Variants in DNAAF11 observed in about 807,000 individuals in gnomAD.
The protein encoded by DNAAF11 is leucine rich repeat containing 6.
A neutral mutation model predicts 60.8 loss-of-function variants in DNAAF11; 45 were observed. The observed-to-expected ratio is 0.74, with a 90% confidence interval of 0.58 to 0.95. The LOEUF (loss-of-function observed/expected upper bound fraction) is 0.95. DNAAF11 is among the 40% of genes least tolerant of loss of function. The probability of loss-of-function intolerance (pLI) is 0.00; values close to 1 mark genes in which losing one functional copy is unlikely to be tolerated. For synonymous variants in DNAAF11, 191 were observed against 183.5 expected, an observed-to-expected ratio of 1.04 and a Z score of -0.33; for missense variants, 546 against 546.2, an observed-to-expected ratio of 1.00 and a Z score of 0.00.
At chr8:132,595,234 A>G (rs1469060879) in intron 10 of DNAAF11, among the ~76,000 whole-genome samples, 2 of 152,010 alleles carry the variant, frequency 1.3e-5, no homozygotes, top group African/African-American at 4.8e-5. Flanking sequence ...CGGTGGGAAC[A>G]AGGTTCCAGA....
At chr8:132,654,650 A>G (rs1823363174) in intron 3 of DNAAF11, among the ~76,000 whole-genome samples, 1 of 152,002 alleles carries the variant, frequency 6.6e-6, no homozygotes, top group Non-Finnish European at 1.5e-5. Flanking sequence ...AAAGATGTGG[A>G]AATTAAACAA....
chr8:132,676,481 A>G (rs1012116033), upstream of DNAAF11, among the ~76,000 whole-genome samples: 2 of 152,246 alleles, frequency 1.3e-5, no homozygotes, highest in African/African-American at 4.8e-5. Context: ...CTCCCATCCC[A>G]GTCGTTTTAA....
In DNAAF11 at chr8:132,577,425, C is replaced by T. The variant is rs536899181; in HGVS notation, c.1227-4945G>A. 3.9e-5 allele frequency among the ~76,000 whole-genome samples: 6 copies of T among 152,338 alleles called. No individual in the cohort carries two copies. In the East Asian group the frequency reaches 1.2e-3, roughly 29 times the overall value. Reference sequence around the variant, plus strand: ...ACTCGTAGCCAAATATATCCTTATACAAGTCAGGTCCAAATGTCATCTATC... The same window carrying T: ...ACTCGTAGCCAAATATATCCTTATATAAGTCAGGTCCAAATGTCATCTATC... On this transcript the variant is annotated intron_variant, in intron 11 of 11. Coordinates refer to ENST00000620350, the MANE Select transcript of DNAAF11 (RefSeq NM_012472.6).
the DNAAF11 span, among the ~76,000 whole-genome samples, chr8:132,682,736 A>G: frequency 5.3e-5 from 8 of 152,202 alleles, no homozygotes; most frequent in South Asian, 1.7e-3. Context: ...ATTTATAAAG[A>G]AAAAATACTT....
At chr8:132,622,728 A>G (rs1453277105) in intron 6 of DNAAF11, 40 bp from the exon 7 acceptor site, 8 of 1,372,742 alleles carry the variant, frequency 5.8e-6, no homozygotes, top group Non-Finnish European at 7.2e-6. Flanking sequence ...GGCAGCATGG[A>G]AAGAAAAAAC....
intron 5 of DNAAF11, among the ~76,000 whole-genome samples, chr8:132,627,603 G>A (rs1020732491): frequency 3.3e-5 from 5 of 152,032 alleles, no homozygotes; most frequent in African/African-American, 7.2e-5. Context: ...ATTTCAAATC[G>A]AAGCCATTCC....
At position 132,668,356 on chromosome 8, in the gene DNAAF11, C is replaced by T. The variant is rs577459944; in HGVS notation, c.11-6729G>A. On this transcript the variant is annotated intron_variant, in intron 1 of 11. Transcript: ENST00000620350. The stretch of plus-strand genomic sequence containing the variant: ...GTGCTATGGGGCACTGAGAGAAGAA[C>T]ATAGAAAGTATGATGAGTGCACAGG... 4.6e-5 allele frequency among the ~76,000 whole-genome samples: 7 copies of T among 152,190 alleles called. No homozygotes were observed. The South Asian group carries it at 1.2e-3, about 27-fold the overall frequency.
intron 4 of DNAAF11, 39 bp from the exon 5 acceptor site, chr8:132,633,002 A>C: frequency 6.9e-7 from 1 of 1,440,814 alleles, no homozygotes; most frequent in Non-Finnish European, 9.7e-7. Flanking sequence ...ATTGTTCAAA[A>C]GTAGCAGTGT....
chr8:132,602,618 C>T (rs1432727415), intron 10 of DNAAF11, among the ~76,000 whole-genome samples: 2 of 151,904 alleles, frequency 1.3e-5, no homozygotes, highest in African/African-American at 4.8e-5. Flanking sequence ...CTCAAGGTTG[C>T]CCTCAAGGAA....
chr8:132,690,393 G>A, the DNAAF11 span, among the ~76,000 whole-genome samples: 105 of 152,260 alleles, frequency 6.9e-4, no homozygotes, highest in Non-Finnish European at 1.2e-3. Flanking sequence ...TGTGAAGAAA[G>A]TGTCTGCTTC....
intron 11 of DNAAF11, among the ~76,000 whole-genome samples, chr8:132,582,112 C>T (rs1253270080): frequency 1.3e-5 from 2 of 152,184 alleles, no homozygotes; most frequent in Admixed American, 6.5e-5. Context: ...AACAATCCTG[C>T]CTGACCCCAG....
At chr8:132,604,826 C>T (rs1564010151) in intron 10 of DNAAF11, among the ~76,000 whole-genome samples, 1 of 151,964 alleles carries the variant, frequency 6.6e-6, no homozygotes, top group African/African-American at 2.4e-5. Context: ...ACATGTGTAG[C>T]AACTATAGAG....
chr8:132,578,390 G>A, intron 11 of DNAAF11: 5 of 1,398,128 alleles, frequency 3.6e-6, no homozygotes, highest in East Asian at 5.2e-5. Context: ...AAAACAAAGT[G>A]GGGAGGGGCC....
chr8:132,606,910 G>A (rs1818197558), intron 10 of DNAAF11, among the ~76,000 whole-genome samples: 1 of 152,200 alleles, frequency 6.6e-6, no homozygotes, highest in Non-Finnish European at 1.5e-5. Context: ...AGTGTTATAA[G>A]AGTCAAAACT....
intron 4 of DNAAF11, among the ~76,000 whole-genome samples, chr8:132,637,103 AAAATTACTCGAT>A (rs1821377144): frequency 6.6e-6 from 1 of 152,230 alleles, no homozygotes; most frequent in African/African-American, 2.4e-5. Flanking sequence ...CCTCAGTTCT[AAAATTACTCGAT>A]TGGGGGGATA....
At chr8:132,663,621 G>A (rs1038238492) in intron 1 of DNAAF11, among the ~76,000 whole-genome samples, 1 of 152,170 alleles carries the variant, frequency 6.6e-6, no homozygotes, top group African/African-American at 2.4e-5. Context: ...ATAGAGCAAG[G>A]GGGTGGATTG....
At chr8:132,683,589 G>A in the DNAAF11 span, among the ~76,000 whole-genome samples, 3 of 152,188 alleles carry the variant, frequency 2.0e-5, no homozygotes, top group Non-Finnish European at 2.9e-5. Flanking sequence ...CAGTGCCCCT[G>A]GGGGTGAAGG....
In DNAAF11 at chr8:132,602,838, G is replaced by A. The variant is rs1354705496; in HGVS notation, c.1140+7328C>T. 2.0e-5 allele frequency among the ~76,000 whole-genome samples: 3 copies of A among 151,646 alleles called. No individual in the cohort carries two copies. The East Asian group carries it at 5.8e-4, about 29-fold the overall frequency. On this transcript the variant is annotated intron_variant, in intron 10 of 11. Coordinates refer to ENST00000620350, the MANE Select transcript of DNAAF11 (RefSeq NM_012472.6). Reference sequence around the variant, plus strand: ...ATATAATTTGAGCCTGCCTCTTCTAGAAAGGATTTTCACTGGGTTTGCCAG... The same window carrying A: ...ATATAATTTGAGCCTGCCTCTTCTAAAAAGGATTTTCACTGGGTTTGCCAG...
At chr8:132,575,858 G>T (rs2130953520) in intron 11 of DNAAF11, among the ~76,000 whole-genome samples, 1 of 152,254 alleles carries the variant, frequency 6.6e-6, no homozygotes, top group Non-Finnish European at 1.5e-5. Context: ...TCCAGTGAGG[G>T]TAGGGCTGGG....
Sources: gnomAD v4.1 joint callset for allele counts (sites outside exome capture counted in the v4.1 genomes callset) on GRCh38, gnomAD v4.1.1 for gene constraint, MANE v1.5 for transcripts, NCBI Gene and HGNC (gene_info 2026-07-23, HGNC 2026-07-21) for gene names.